Variants in CSGALNACT2 observed in about 807,000 individuals in gnomAD.
CSGALNACT2 encodes chondroitin sulfate N-acetylgalactosaminyltransferase 2, also known as beta 4 GalNAcT-2.
CSGALNACT2 carries 35 observed loss-of-function variants against 55.3 expected under a neutral mutation model. The observed-to-expected ratio is 0.63, with a 90% CI of 0.48 to 0.84. The LOEUF is 0.84. CSGALNACT2 is among the 40% of genes least tolerant of loss of function. The pLI is 0.00. For synonymous variants in CSGALNACT2, 196 were observed against 224.9 expected, an observed-to-expected ratio of 0.87 and a Z score of 1.15; for missense variants, 544 against 657.5, an observed-to-expected ratio of 0.83 and a Z score of 1.89.
chr10:43,174,401 A>G (rs928874412), intron 6 of CSGALNACT2, among the ~76,000 whole-genome samples: 3 of 152,060 alleles, frequency 2.0e-5, no homozygotes, highest in African/African-American at 7.2e-5. Flanking sequence ...TATCTGCAGG[A>G]ATTTCTGTGT....
chr10:43,142,680 T>A (rs1419184900), intron 1 of CSGALNACT2, among the ~76,000 whole-genome samples: 1 of 152,258 alleles, frequency 6.6e-6, no homozygotes, highest in African/African-American at 2.4e-5. Context: ...ATTTACTGTC[T>A]GACCTAAAAT....
chr10:43,158,846 A>G lies in CSGALNACT2; in HGVS notation c.793A>G (p.Ile265Val). The change falls in exon 3 of 8, where the codon ATT (isoleucine) becomes GTT (valine). Residue 265 changes from isoleucine (I) to valine (V), a missense_variant. Physicochemically the swap from Ile to Val is conservative, Grantham distance 29. Around this residue, in one of 2 missense-constraint regions of CSGALNACT2, gnomAD observed 374 missense variants for 401.3 expected, o/e 0.93. Coordinates refer to ENST00000374466, the MANE Select transcript of CSGALNACT2 (RefSeq NM_018590.5). ...GPLMKVKSEM[I>V]DITRSIINII... ...TCTCATGAAAGTGAAGAGTGAGATG[A>G]TTGACATCACTAGATCAATTATTAA... The G allele has an allele frequency of 6.2e-6, 10 of 1,611,852 alleles. No homozygotes were observed. The highest frequency in any genetic ancestry group is 6.8e-6 in the Non-Finnish European group (8 of 1,178,042).
At chr10:43,162,473 C>G (rs372616894) in intron 4 of CSGALNACT2, 14 of 985,272 alleles carry the variant, frequency 1.4e-5, no homozygotes, top group Non-Finnish European at 1.7e-5. Flanking sequence ...AGTGCCTCCA[C>G]TTGATGCTGA....
chr10:43,178,433 T>C (rs1588915289), intron 7 of CSGALNACT2, among the ~76,000 whole-genome samples: 1 of 152,096 alleles, frequency 6.6e-6, no homozygotes, highest in African/African-American at 2.4e-5. Context: ...TCATCCTGGC[T>C]AACAAGGTAA....
chr10:43,154,161 C>G (rs765487056), intron 1 of CSGALNACT2, among the ~76,000 whole-genome samples: 1 of 152,208 alleles, frequency 6.6e-6, no homozygotes, highest in Non-Finnish European at 1.5e-5. Flanking sequence ...GAAAATCTCT[C>G]TCTCCAGTAA....
intron 2 of CSGALNACT2, among the ~76,000 whole-genome samples, chr10:43,157,348 A>T (rs1233288795): frequency 6.6e-6 from 1 of 152,286 alleles, no homozygotes; most frequent in East Asian, 1.9e-4. Context: ...TTTTTCTCTA[A>T]ATGGAACATA....
intron 3 of CSGALNACT2, among the ~76,000 whole-genome samples, chr10:43,159,244 T>C (rs570036694): frequency 4.6e-5 from 7 of 152,318 alleles, no homozygotes; most frequent in African/African-American, 1.7e-4. Flanking sequence ...AGGAATAATT[T>C]ACATGCAGTA....
intron 3 of CSGALNACT2, 26 bp from the exon 4 acceptor site, chr10:43,160,468 A>G (rs1482055991): frequency 1.7e-6 from 2 of 1,208,800 alleles, no homozygotes; most frequent in Non-Finnish European, 2.4e-6. Context: ...TTTCTTGAAT[A>G]AACTTTTATT....
intron 1 of CSGALNACT2, among the ~76,000 whole-genome samples, chr10:43,151,963 C>T (rs1838884628): frequency 6.6e-6 from 1 of 152,170 alleles, no homozygotes. Flanking sequence ...GAGAGCAAAT[C>T]TGAGAGTAAA....
At chr10:43,159,695 GT>G (rs547574175) in intron 3 of CSGALNACT2, among the ~76,000 whole-genome samples, 255 of 152,220 alleles carry the variant, frequency 1.7e-3, no homozygotes, top group Middle Eastern at 6.8e-3. Context: ...AATTTGTAAA[GT>G]TTTTTTATGT....
At chr10:43,138,781 A>G (rs1169955144) in intron 1 of CSGALNACT2, among the ~76,000 whole-genome samples, 1 of 152,138 alleles carries the variant, frequency 6.6e-6, no homozygotes. Context: ...TTCGCTTGTC[A>G]GTGTTGGGTT....
chr10:43,160,371 CATTTATGT>C, intron 3 of CSGALNACT2, 115 bp from the exon 4 acceptor site: 1 of 605,888 alleles, frequency 1.7e-6, no homozygotes, highest in Non-Finnish European at 2.9e-6. Flanking sequence ...AGTATTGCCA[CATTTATGT>C]TTACTACTGT....
chr10:43,165,808 G>A (rs1839253767), intron 5 of CSGALNACT2, among the ~76,000 whole-genome samples: 1 of 152,060 alleles, frequency 6.6e-6, no homozygotes, highest in South Asian at 2.1e-4. Context: ...TGGCCAACAT[G>A]GTGAAACCCC....
chr10:43,169,747 A>G (rs1412136792), intron 6 of CSGALNACT2, among the ~76,000 whole-genome samples: 1 of 152,184 alleles, frequency 6.6e-6, no homozygotes, highest in Non-Finnish European at 1.5e-5. Flanking sequence ...AACAACAGTA[A>G]AAGGACAATT....
chr10:43,159,512 C>G (rs546040066), intron 3 of CSGALNACT2, among the ~76,000 whole-genome samples: 1 of 152,208 alleles, frequency 6.6e-6, no homozygotes, highest in Non-Finnish European at 1.5e-5. Context: ...AATTTAATGT[C>G]TTTTGACAAA....
chr10:43,147,720 T>C (rs550967564), intron 1 of CSGALNACT2, among the ~76,000 whole-genome samples: 1 of 152,006 alleles, frequency 6.6e-6, no homozygotes, highest in African/African-American at 2.4e-5. Flanking sequence ...TGTATTTATA[T>C]AGGCCATTTA....
chr10:43,183,004 G>A (rs1839619757), intron 7 of CSGALNACT2, among the ~76,000 whole-genome samples: 1 of 151,948 alleles, frequency 6.6e-6, no homozygotes, highest in Non-Finnish European at 1.5e-5. Flanking sequence ...TTTACAAAGT[G>A]TTCTTAAATA....
intron 2 of CSGALNACT2, 62 bp from the exon 3 acceptor site, chr10:43,158,653 C>A: frequency 1.0e-6 from 1 of 957,548 alleles, no homozygotes; most frequent in Non-Finnish European, 1.7e-6. Flanking sequence ...TAAAATCTGT[C>A]TTCCCATTGA....
At position 43,155,628 on chromosome 10, in the gene CSGALNACT2, A is replaced by G; in HGVS notation, c.479A>G (p.Glu160Gly). 1 of 1,614,222 alleles carries G rather than the reference A, an allele frequency of 6.2e-7. No homozygotes were observed. Among genetic ancestry groups the G allele is most frequent in the East Asian group, 2.2e-5 (1 of 44,884 alleles). ...ACCTTAATGAAAGTATTTCAATTGG[A>G]AATGGGTCTCACTCGCCATCCTGAA... ...SFTLMKVFQL[E>G]MGLTRHPEEK... is the part of the protein sequence containing the mutation. The change falls in exon 2 of 8, where the codon GAA becomes GGA. Residue 160 changes from glutamate to glycine, a missense_variant. This residue lies in a region of CSGALNACT2 where 374 missense variants were observed against 401.3 expected (regional missense o/e 0.93). Coordinates refer to ENST00000374466, the MANE Select transcript of CSGALNACT2 (RefSeq NM_018590.5).
Sources: gnomAD v4.1 joint callset for allele counts (sites outside exome capture counted in the v4.1 genomes callset) on GRCh38, gnomAD v4.1.1 for gene constraint, gnomAD v4.1.1 regional missense constraint, MANE v1.5 for transcripts, NCBI Gene and HGNC (gene_info 2026-07-23, HGNC 2026-07-21) for gene names.